The following PRIM2 variants were observed in gnomAD, a reference collection of about 807,000 sequenced individuals.
PRIM2 encodes DNA primase large subunit.
PRIM2 carries 39 observed loss-of-function variants against 67.3 expected under a neutral mutation model. That is an observed-to-expected ratio of 0.58 (90% confidence interval 0.45 to 0.76). The LOEUF is 0.76. PRIM2 is among the 30% of genes least tolerant of loss of function. The probability of loss-of-function intolerance (pLI) is 0.00; values close to 1 mark genes in which losing one functional copy is unlikely to be tolerated. For missense variants in PRIM2, 398 were observed against 598.7 expected, an observed-to-expected ratio of 0.66 and a Z score of 3.50; for synonymous variants, 143 against 198.7, an observed-to-expected ratio of 0.72 and a Z score of 2.36.
At chr6:57,273,464 G>C in the PRIM2 span, among the ~76,000 whole-genome samples, 1 of 152,076 alleles carries the variant, frequency 6.6e-6, no homozygotes, top group African/African-American at 2.4e-5. Context: ...TTGTGCCTTG[G>C]TTTTCAGCTC....
chr6:57,513,838 C>T (rs1774422006), intron 8 of PRIM2, among the ~76,000 whole-genome samples: 1 of 152,210 alleles, frequency 6.6e-6, no homozygotes, highest in African/African-American at 2.4e-5. Flanking sequence ...CATGCCACTG[C>T]ACTCCAGGCT....
intron 7 of PRIM2, among the ~76,000 whole-genome samples, chr6:57,504,014 G>C (rs1774200030): frequency 6.6e-6 from 1 of 152,164 alleles, no homozygotes; most frequent in South Asian, 2.1e-4. Context: ...GTCCTGTTTT[G>C]AGGGGTGAGG....
At chr6:57,510,420 A>G (rs1235029209) in intron 8 of PRIM2, among the ~76,000 whole-genome samples, 157 of 152,304 alleles carry the variant, frequency 1.0e-3, no homozygotes, top group Non-Finnish European at 1.9e-3. Context: ...CTCACAGTTG[A>G]TTCTGAGAGA....
At chr6:57,624,966 G>C (rs1776922930) in intron 12 of PRIM2, among the ~76,000 whole-genome samples, 2 of 152,174 alleles carry the variant, frequency 1.3e-5, no homozygotes, top group African/African-American at 2.4e-5. Context: ...TGAGATCCAA[G>C]TGAAAGGGGT....
intron 10 of PRIM2, among the ~76,000 whole-genome samples, chr6:57,598,014 C>G (rs1776397803): frequency 6.6e-6 from 1 of 152,140 alleles, no homozygotes; most frequent in African/African-American, 2.4e-5. Context: ...GTTAAAGAAT[C>G]ATAGGAGTAA....
intron 7 of PRIM2, among the ~76,000 whole-genome samples, chr6:57,477,734 T>C (rs1328060500): frequency 1.3e-5 from 2 of 152,170 alleles, no homozygotes; most frequent in Non-Finnish European, 2.9e-5. Context: ...GAGGTTATAG[T>C]AGTGAGAGTA....
At chr6:57,584,332 G>A (rs1776153025) in intron 10 of PRIM2, among the ~76,000 whole-genome samples, 1 of 152,150 alleles carries the variant, frequency 6.6e-6, no homozygotes, top group Non-Finnish European at 1.5e-5. Flanking sequence ...TTATGGCAGA[G>A]CCTTTGATAC....
At chr6:57,575,697 T>C (rs1775951044) in intron 10 of PRIM2, among the ~76,000 whole-genome samples, 1 of 152,146 alleles carries the variant, frequency 6.6e-6, no homozygotes, top group South Asian at 2.1e-4. Flanking sequence ...TTCAGTTTAA[T>C]TAATCTTTTT....
chr6:57,287,682 G>A, the PRIM2 span, among the ~76,000 whole-genome samples: 62 of 151,942 alleles, frequency 4.1e-4, no homozygotes, highest in African/African-American at 1.3e-3. Context: ...CTTATGTGAC[G>A]GGTTGATAGG....
intron 5 of PRIM2, among the ~76,000 whole-genome samples, chr6:57,351,235 C>T (rs1490008879): frequency 6.6e-6 from 1 of 151,726 alleles, no homozygotes; most frequent in African/African-American, 2.4e-5. Context: ...ACTGGTTGAG[C>T]ATCTGAAAAT....
chr6:57,587,826 T>G (rs1308114229), intron 10 of PRIM2, among the ~76,000 whole-genome samples: 2 of 152,138 alleles, frequency 1.3e-5, no homozygotes, highest in Non-Finnish European at 2.9e-5. Context: ...AAGGAACTGA[T>G]ATCCTTTCCC....
chr6:57,271,293 C>G, the PRIM2 span, among the ~76,000 whole-genome samples: 1 of 152,140 alleles, frequency 6.6e-6, no homozygotes, highest in Non-Finnish European at 1.5e-5. Flanking sequence ...TTGATTATTG[C>G]CTCAATTTCA....
intron 12 of PRIM2, among the ~76,000 whole-genome samples, chr6:57,616,079 T>C (rs1238849096): frequency 3.3e-4 from 50 of 152,242 alleles, no homozygotes; most frequent in African/African-American, 1.2e-3. Context: ...CATCTTTTAT[T>C]GTAATCTCTG....
chr6:57,227,107 A>C, the PRIM2 span, among the ~76,000 whole-genome samples: 2 of 151,930 alleles, frequency 1.3e-5, no homozygotes, highest in Non-Finnish European at 2.9e-5. Flanking sequence ...TCTTTCTCAT[A>C]TATATATTTA....
chr6:57,326,829 T>TA (rs1388566757), intron 5 of PRIM2, among the ~76,000 whole-genome samples: 3 of 150,600 alleles, frequency 2.0e-5, no homozygotes, highest in Admixed American at 2.0e-4. Context: ...TGTAATTATA[T>TA]AAAAAAAGAA....
At chr6:57,357,235 C>A (rs1769059567) in intron 5 of PRIM2, among the ~76,000 whole-genome samples, 1 of 152,012 alleles carries the variant, frequency 6.6e-6, no homozygotes, top group Admixed American at 6.6e-5. Flanking sequence ...CCGGCCTATC[C>A]AATCCATTCT....
At chr6:57,252,774 G>A in the PRIM2 span, among the ~76,000 whole-genome samples, 3 of 152,138 alleles carry the variant, frequency 2.0e-5, no homozygotes, top group Non-Finnish European at 2.9e-5. Flanking sequence ...ACTCTGTACT[G>A]ACATGCATGT....
At chr6:57,433,772 C>G (rs1307901987) in intron 7 of PRIM2, among the ~76,000 whole-genome samples, 1 of 152,132 alleles carries the variant, frequency 6.6e-6, no homozygotes, top group Admixed American at 6.6e-5. Context: ...CAGTGTGTAG[C>G]AACTTATTTC....
intron 7 of PRIM2, among the ~76,000 whole-genome samples, chr6:57,480,715 G>A (rs1172773864): frequency 6.6e-6 from 1 of 152,074 alleles, no homozygotes; most frequent in Non-Finnish European, 1.5e-5. Flanking sequence ...TGCAACCTCC[G>A]CCTCCCAGGT....
Sources: allele counts gnomAD v4.1 joint callset (sites outside exome capture counted in the v4.1 genomes callset), GRCh38; gene constraint gnomAD v4.1.1; transcripts MANE v1.5; gene names NCBI Gene and HGNC (gene_info 2026-07-23, HGNC 2026-07-21).